The following NSD2 variants were observed in gnomAD, a reference collection of about 807,000 sequenced individuals.
The protein encoded by NSD2 is histone-lysine N-methyltransferase NSD2.
Under a neutral mutation model 139.0 loss-of-function variants are expected in NSD2, and 12 were observed. That is an observed-to-expected ratio of 0.09 (90% CI 0.06 to 0.14). The LOEUF (loss-of-function observed/expected upper bound fraction) is 0.14. Ranked by LOEUF, NSD2 falls within the 10% of genes least tolerant of loss-of-function variation. The pLI is 1.00. For synonymous variants in NSD2, 669 were observed against 648.7 expected, an observed-to-expected ratio of 1.03 and a Z score of -0.48; for missense variants, 1,155 against 1,745.0, an observed-to-expected ratio of 0.66 and a Z score of 6.02.
At chr4:1,961,009 C>A (rs553444416) in intron 17 of NSD2, 26 bp from the exon 18 acceptor site, 2 of 1,597,954 alleles carry the variant, frequency 1.3e-6, no homozygotes, top group East Asian at 2.2e-5. Flanking sequence ...CGCTTTTTGT[C>A]ATGGCCACAT....
intron 1 of NSD2, among the ~76,000 whole-genome samples, chr4:1,882,679 C>A (rs1445546048): frequency 6.6e-6 from 1 of 152,074 alleles, no homozygotes; most frequent in Non-Finnish European, 1.5e-5. Context: ...ACAACAACAA[C>A]AACAACAACA....
chr4:1,886,260 G>A (rs1229173046), intron 1 of NSD2, among the ~76,000 whole-genome samples: 2 of 152,256 alleles, frequency 1.3e-5, no homozygotes, highest in East Asian at 3.9e-4. Context: ...GGGCTGGAGT[G>A]TGGTGGTATG....
intron 18 of NSD2, among the ~76,000 whole-genome samples, chr4:1,969,192 A>G (rs1369199257): frequency 6.6e-6 from 1 of 152,202 alleles, no homozygotes; most frequent in Non-Finnish European, 1.5e-5. Context: ...TGGGAAGAAG[A>G]GATGACACAT....
chr4:1,978,700 C>T lies in NSD2; in HGVS notation c.3889C>T (p.His1297Tyr). The T allele has an allele frequency of 1.2e-6, 2 of 1,613,988 alleles. No individual in the cohort carries two copies. The highest frequency in any genetic ancestry group is 1.7e-6 in the Non-Finnish European group (2 of 1,179,922). The change falls in exon 22 of 22, where the codon CAC becomes TAC. Residue 1297 changes from histidine (H) to tyrosine (Y), a missense_variant. By Grantham distance (83) the His-to-Tyr change is moderately conservative. Around this residue, in one of 8 missense-constraint regions of NSD2, gnomAD observed 132 missense variants for 94.3 expected, o/e 1.40. Coordinates refer to ENST00000508803, the MANE Select transcript of NSD2 (RefSeq NM_001042424.3). ...TGGCAAACCTTCGACTTCATTTTGC[C>T]ACCTCTGCCCCAATTCGTTCTGTAA... ...VCGKPSTSFCHLCPNSFCKEH... is the reference protein window; with the variant it reads ...VCGKPSTSFCYLCPNSFCKEH...
chr4:1,963,827 AAC>A (rs1725604102), intron 18 of NSD2, among the ~76,000 whole-genome samples: 1 of 152,224 alleles, frequency 6.6e-6, no homozygotes, highest in Non-Finnish European at 1.5e-5. Flanking sequence ...CAGCCTGGGT[AAC>A]ACAGACCCTC....
chr4:1,894,793 C>T (rs1429962887), intron 1 of NSD2, among the ~76,000 whole-genome samples: 3 of 152,050 alleles, frequency 2.0e-5, no homozygotes, highest in Admixed American at 6.6e-5. Flanking sequence ...TGGGGGTATA[C>T]GTAACATAAA....
In NSD2 at chr4:1,967,500, C is replaced by G. The variant is rs544325227; in HGVS notation, c.3372+6349C>G. Among the ~76,000 whole-genome samples the G allele has an allele frequency of 3.3e-5, 5 of 152,156 alleles. No individual in the cohort carries two copies. The South Asian group carries it at 8.3e-4, about 25-fold the overall frequency. On this transcript the variant is annotated intron_variant, in intron 18 of 21. Coordinates refer to ENST00000508803, the MANE Select transcript of NSD2 (RefSeq NM_001042424.3). ...GGCTGAGGCAGGAGAATCGCTTGAA[C>G]CTGGGAGGCAGAGGTTTCAGTGAGC...
In NSD2 at chr4:1,872,589, T is replaced by TGAGA. The variant is rs1246397052; in HGVS notation, c.-30+1048_-30+1049insAGAG. ...TTGTGTGTGTGTGTGTGTGTGTGTG[T>TGAGA]GTGAGAGAGAGAGAGAGAGAGAGAG... On this transcript the variant is annotated intron_variant, in intron 1 of 21. Coordinates refer to ENST00000508803, the MANE Select transcript of NSD2 (RefSeq NM_001042424.3). Among the ~76,000 whole-genome samples, 293 of 44,276 alleles carry TGAGA rather than the reference T, an allele frequency of 6.6e-3. 2 individuals carry two copies. The highest frequency in any genetic ancestry group is 0.016 in the African/African-American group (241 of 14,758). The allele number at this position is 44,276 out of a possible 152,430, so 29.0% of individuals were successfully genotyped here.
chr4:1,892,688 C>T (rs1378738091), intron 1 of NSD2: 1 of 152,042 alleles, frequency 6.6e-6, no homozygotes, highest in African/African-American at 2.4e-5. Flanking sequence ...CCTGCCTCAG[C>T]CTCCTGAGTA....
intron 3 of NSD2, among the ~76,000 whole-genome samples, chr4:1,904,989 A>G (rs913953604): frequency 3.8e-4 from 58 of 152,112 alleles, no homozygotes; most frequent in African/African-American, 1.4e-3. Context: ...AATTAGCCGG[A>G]CGTGGTGGTG....
intron 1 of NSD2, among the ~76,000 whole-genome samples, chr4:1,883,458 CCT>C (rs1311528092): frequency 2.0e-5 from 3 of 151,992 alleles, no homozygotes; most frequent in Non-Finnish European, 4.4e-5. Flanking sequence ...ATGGCGAAAC[CCT>C]GTCTCTACTA....
intron 1 of NSD2, among the ~76,000 whole-genome samples, chr4:1,878,592 T>G (rs114982336): frequency 0.012 from 1,815 of 152,214 alleles, 39 homozygotes; most frequent in African/African-American, 0.042. Context: ...GAATGGTACC[T>G]GAGTGACTGT....
chr4:1,910,159 T>C (rs1718476679), intron 3 of NSD2, among the ~76,000 whole-genome samples: 1 of 152,158 alleles, frequency 6.6e-6, no homozygotes, highest in South Asian at 2.1e-4. Context: ...ATTGTTGTAA[T>C]TTACAGCAGC....
chr4:1,977,924 C>G (rs1054074835), intron 21 of NSD2, among the ~76,000 whole-genome samples: 3 of 152,026 alleles, frequency 2.0e-5, no homozygotes, highest in Non-Finnish European at 2.9e-5. Flanking sequence ...GTCAGGAATT[C>G]GAGAGCAGCC....
chr4:1,975,238 C>G (rs2109021372), intron 19 of NSD2, 56 bp from the exon 20 acceptor site: 1 of 1,561,210 alleles, frequency 6.4e-7, no homozygotes, highest in Non-Finnish European at 8.8e-7. Context: ...CGCCCCTTAG[C>G]TTTTGAAGAG....
intron 17 of NSD2, among the ~76,000 whole-genome samples, chr4:1,960,696 T>A (rs1416590669): frequency 6.6e-6 from 1 of 152,226 alleles, no homozygotes; most frequent in African/African-American, 2.4e-5. Context: ...TCAGATACTT[T>A]GTAGCCATTT....
At chr4:1,882,118 G>A (rs1221587677) in intron 1 of NSD2, among the ~76,000 whole-genome samples, 3 of 152,178 alleles carry the variant, frequency 2.0e-5, no homozygotes, top group South Asian at 2.1e-4. Context: ...GGAAGGTTCC[G>A]GAAGAGTGTG....
intron 10 of NSD2, among the ~76,000 whole-genome samples, chr4:1,951,690 C>G (rs185354317): frequency 1.3e-5 from 2 of 152,358 alleles, no homozygotes; most frequent in East Asian, 3.9e-4. Flanking sequence ...CCCGCCCCAT[C>G]TGTCAGCTGG....
intron 7 of NSD2, 45 bp from the exon 8 acceptor site, chr4:1,938,401 CTTTTT>C: frequency 1.1e-6 from 1 of 872,426 alleles, no homozygotes. Flanking sequence ...TTTTTCTTTT[CTTTTT>C]TTTTTCTTTC....
Sources: allele counts gnomAD v4.1 joint callset (sites outside exome capture counted in the v4.1 genomes callset), GRCh38; gene constraint gnomAD v4.1.1; regional missense constraint gnomAD v4.1.1; transcripts MANE v1.5; gene names NCBI Gene and HGNC (gene_info 2026-07-23, HGNC 2026-07-21).